Variants in SYN3 observed in about 807,000 individuals in gnomAD.
The protein encoded by SYN3 is synapsin III, also known as synapsin-3.
In SYN3, 35 loss-of-function variants were observed where a neutral mutation model predicts 65.8. The observed-to-expected ratio is 0.53, with a 90% CI of 0.41 to 0.70. The LOEUF is 0.70. Ranked by LOEUF, SYN3 falls within the 30% of genes least tolerant of loss-of-function variation. The pLI is 0.00. For synonymous variants in SYN3, 270 were observed against 292.9 expected, an observed-to-expected ratio of 0.92 and a Z score of 0.80; for missense variants, 680 against 749.0, an observed-to-expected ratio of 0.91 and a Z score of 1.08.
At chr22:32,574,791 C>T (rs1055625685) in intron 7 of SYN3, among the ~76,000 whole-genome samples, 1 of 152,194 alleles carries the variant, frequency 6.6e-6, no homozygotes, top group Non-Finnish European at 1.5e-5. Context: ...TAAAGCAGCC[C>T]ATCTGTTACT....
At chr22:32,940,386 T>TA (rs2050902247) in intron 3 of SYN3, among the ~76,000 whole-genome samples, 1 of 71,536 alleles carries the variant, frequency 1.4e-5, no homozygotes, top group Non-Finnish European at 3.1e-5. Context: ...TACAATTTAG[T>TA]ATTTTTTTTA....
At chr22:32,738,918 C>T (rs2061366767) in intron 6 of SYN3, among the ~76,000 whole-genome samples, 1 of 152,192 alleles carries the variant, frequency 6.6e-6, no homozygotes, top group Admixed American at 6.5e-5. Flanking sequence ...AGGTAGGAGC[C>T]CACTCACCTG....
At chr22:32,515,070 C>T (rs1774727281) in intron 13 of SYN3, among the ~76,000 whole-genome samples, 1 of 152,092 alleles carries the variant, frequency 6.6e-6, no homozygotes, top group Admixed American at 6.5e-5. Flanking sequence ...TCTTTTACTC[C>T]TTGCTTATTA....
At chr22:32,873,794 G>T (rs767718182) in intron 4 of SYN3, among the ~76,000 whole-genome samples, 1 of 152,104 alleles carries the variant, frequency 6.6e-6, no homozygotes, top group Non-Finnish European at 1.5e-5. Flanking sequence ...AGTACCAGCT[G>T]GGAAAAGAGA....
At chr22:32,917,098 G>C (rs2050205433) in intron 4 of SYN3, among the ~76,000 whole-genome samples, 1 of 152,148 alleles carries the variant, frequency 6.6e-6, no homozygotes, top group East Asian at 1.9e-4. Context: ...CTATATTTCA[G>C]GCACTAACAA....
Position 32,664,584 on chromosome 22 carries a change from C to CTTTTTT in SYN3, c.712-67854_712-67849dup, listed in dbSNP as rs71320943. On this transcript the variant is annotated intron_variant, in intron 6 of 13. Transcript: ENST00000358763. Reference sequence around the variant, plus strand: ...AGCATACACTGTACTCAATTGGTCGCTTTTTTTTTTTTTTTTTTTTTTTTT... The same window carrying CTTTTTT: ...AGCATACACTGTACTCAATTGGTCGCTTTTTTTTTTTTTTTTTTTTTTTTTTTTTTT... Among the ~76,000 whole-genome samples, 138 of 69,054 alleles carry CTTTTTT rather than the reference C, an allele frequency of 2.0e-3. 35 individuals carry two copies. Among genetic ancestry groups the CTTTTTT allele is most frequent in the African/African-American group, 7.3e-3 (98 of 13,452 alleles). The allele number at this position is 69,054 out of a possible 152,430, so 45.3% of individuals were successfully genotyped here. A position where few individuals can be genotyped will look rare whatever the true frequency, so the allele number is the denominator to read the frequency against.
At chr22:32,733,166 C>A (rs752737787) in intron 6 of SYN3, among the ~76,000 whole-genome samples, 30 of 152,308 alleles carry the variant, frequency 2.0e-4, no homozygotes, top group Middle Eastern at 3.4e-3. Flanking sequence ...CCCAGATTTT[C>A]AACTCTTGAG....
intron 6 of SYN3, among the ~76,000 whole-genome samples, chr22:32,664,923 C>G (rs2060268518): frequency 6.7e-6 from 1 of 150,106 alleles, no homozygotes; most frequent in Non-Finnish European, 1.5e-5. Context: ...AATTTGTAGT[C>G]TTTTATCCCT....
chr22:32,778,666 A>G (rs1452152282), intron 6 of SYN3, among the ~76,000 whole-genome samples: 1 of 152,206 alleles, frequency 6.6e-6, no homozygotes, highest in Non-Finnish European at 1.5e-5. Context: ...AGCCAGTATC[A>G]GGGTTTACGC....
intron 6 of SYN3, among the ~76,000 whole-genome samples, chr22:32,661,428 G>A (rs1029407763): frequency 9.9e-5 from 15 of 152,282 alleles, no homozygotes; most frequent in African/African-American, 3.6e-4. Flanking sequence ...GCGGCCCGCC[G>A]TGACTCACAG....
At chr22:32,906,794 G>C (rs1258629089) in intron 4 of SYN3, among the ~76,000 whole-genome samples, 1 of 152,114 alleles carries the variant, frequency 6.6e-6, no homozygotes, top group East Asian at 1.9e-4. Context: ...TGCTGAGAAT[G>C]ATGGCTTCCA....
chr22:32,775,035 A>G (rs564078701), intron 6 of SYN3, among the ~76,000 whole-genome samples: 10 of 152,276 alleles, frequency 6.6e-5, no homozygotes, highest in African/African-American at 2.4e-4. Context: ...CTGCTTGGAC[A>G]GCCATAAACT....
intron 6 of SYN3, among the ~76,000 whole-genome samples, chr22:32,703,453 A>G (rs928266998): frequency 6.6e-6 from 1 of 152,130 alleles, no homozygotes; most frequent in Non-Finnish European, 1.5e-5. Context: ...CCTGGCCAAC[A>G]CGGTGAAACC....
intron 6 of SYN3, among the ~76,000 whole-genome samples, chr22:32,648,440 T>C (rs1295735977): frequency 1.3e-5 from 2 of 152,266 alleles, no homozygotes; most frequent in Non-Finnish European, 2.9e-5. Flanking sequence ...TTATATGAAT[T>C]ACAGTATACA....
intron 3 of SYN3, among the ~76,000 whole-genome samples, chr22:32,942,169 C>T (rs892113063): frequency 3.9e-5 from 6 of 152,192 alleles, no homozygotes; most frequent in African/African-American, 9.7e-5. Context: ...CCCTGACCCC[C>T]GAGTAGCCTA....
intron 7 of SYN3, chr22:32,583,731 C>T (rs1286208106): frequency 6.6e-6 from 1 of 152,224 alleles, no homozygotes; most frequent in Non-Finnish European, 1.5e-5. Context: ...TCAGGCCACA[C>T]TTTGGCCCAC....
At chr22:32,910,295 G>C (rs139539532) in intron 4 of SYN3, among the ~76,000 whole-genome samples, 11 of 152,216 alleles carry the variant, frequency 7.2e-5, no homozygotes, top group African/African-American at 2.6e-4. Flanking sequence ...TAATTCTCTG[G>C]GTTAAAGAGA....
intron 7 of SYN3, among the ~76,000 whole-genome samples, chr22:32,564,573 C>G (rs1417059103): frequency 6.6e-6 from 1 of 152,008 alleles, no homozygotes; most frequent in Non-Finnish European, 1.5e-5. Context: ...AAACAGTGTC[C>G]CAGACTGCAC....
intron 6 of SYN3, among the ~76,000 whole-genome samples, chr22:32,734,799 C>T (rs1018251357): frequency 2.6e-5 from 4 of 152,202 alleles, no homozygotes; most frequent in Admixed American, 6.5e-5. Flanking sequence ...CTGGTTTCTA[C>T]TACCTGTTAT....
Sources: gnomAD v4.1 joint callset for allele counts (sites outside exome capture counted in the v4.1 genomes callset) on GRCh38, gnomAD v4.1.1 for gene constraint, MANE v1.5 for transcripts, NCBI Gene and HGNC (gene_info 2026-07-23, HGNC 2026-07-21) for gene names.